The following DGLUCY variants were observed in gnomAD, a reference collection of about 807,000 sequenced individuals.
DGLUCY encodes D-glutamate cyclase, mitochondrial.
Under a neutral mutation model 58.5 loss-of-function variants are expected in DGLUCY, and 58 were observed. The ratio of observed to expected loss-of-function variants is 0.99; its 90% confidence interval spans 0.80 to 1.23. DGLUCY has a LOEUF of 1.23. Among genes scored for constraint, DGLUCY ranks in the 50% most tolerant of loss-of-function variants. The pLI is 0.00. For missense variants in DGLUCY, 779 were observed against 784.7 expected, an observed-to-expected ratio of 0.99 and a Z score of 0.09; for synonymous variants, 325 against 314.1, an observed-to-expected ratio of 1.03 and a Z score of -0.37.
chr14:91,220,352 A>AT, intron 13 of DGLUCY: 1 of 395,996 alleles, frequency 2.5e-6, no homozygotes, highest in Non-Finnish European at 5.1e-6. Flanking sequence ...TCTGGCATGG[A>AT]TTAATAGCAA....
At chr14:91,168,848 A>T (rs953503206) in intron 4 of DGLUCY, among the ~76,000 whole-genome samples, 4 of 152,172 alleles carry the variant, frequency 2.6e-5, no homozygotes, top group African/African-American at 9.7e-5. Flanking sequence ...GCACTTTGGG[A>T]GGCCAAGGAG....
intron 12 of DGLUCY, among the ~76,000 whole-genome samples, chr14:91,213,691 A>T (rs371576860): frequency 6.7e-6 from 1 of 150,094 alleles, no homozygotes; most frequent in South Asian, 2.1e-4. Context: ...TTCACTGAAG[A>T]TTGTTTGTTT....
upstream of DGLUCY, among the ~76,000 whole-genome samples, chr14:91,107,771 C>T (rs189538554): frequency 4.0e-4 from 60 of 151,602 alleles, no homozygotes; most frequent in Non-Finnish European, 7.4e-4. Context: ...TATCAGATGG[C>T]GATAAGTGCT....
chr14:91,178,495 T>C (rs1352458411), intron 7 of DGLUCY, among the ~76,000 whole-genome samples: 1 of 152,146 alleles, frequency 6.6e-6, no homozygotes, highest in East Asian at 1.9e-4. Flanking sequence ...CTATTAGCAA[T>C]AGATTATGTG....
intron 1 of DGLUCY, among the ~76,000 whole-genome samples, chr14:91,098,341 CCAGCTA>C (rs1214114546): frequency 6.6e-6 from 1 of 152,042 alleles, no homozygotes; most frequent in African/African-American, 2.4e-5. Context: ...TCTGTAAGTC[CCAGCTA>C]CTCAGGAGGC....
At chr14:91,185,230 A>G (rs529874956) in intron 8 of DGLUCY, among the ~76,000 whole-genome samples, 2 of 148,592 alleles carry the variant, frequency 1.3e-5, no homozygotes, top group African/African-American at 2.5e-5. Context: ...CGGCCTCCCA[A>G]AGTGCTGGGA....
chr14:91,170,738 T>C (rs2048534353), intron 5 of DGLUCY, among the ~76,000 whole-genome samples: 1 of 152,142 alleles, frequency 6.6e-6, no homozygotes, highest in Non-Finnish European at 1.5e-5. Flanking sequence ...CCCCTACTTG[T>C]CAAGGTGAGT....
At position 91,090,395 on chromosome 14, in the gene DGLUCY, A is replaced by T. The variant is rs553765308; in HGVS notation, c.-82+29691A>T. ...CTCTGTTTCTTTTTTTTTGTTTTAG[A>T]TGCCACTGCCCCACAAGCTACATCC... On this transcript the variant is annotated intron_variant, in intron 1 of 4. Transcript: ENST00000521334. Among the ~76,000 whole-genome samples the T allele has an allele frequency of 1.9e-3, 296 of 152,000 alleles. 1 individual carries two copies. The highest frequency in any genetic ancestry group is 3.8e-3 in the Non-Finnish European group (256 of 67,946).
At chr14:91,115,032 A>T (rs990453883) in intron 1 of DGLUCY, 2 of 152,252 alleles carry the variant, frequency 1.3e-5, no homozygotes, top group African/African-American at 4.8e-5. Flanking sequence ...GATTATCTGT[A>T]CTTCCCCTCT....
At chr14:91,173,480 A>C (rs1233693848) in intron 6 of DGLUCY, 41 bp downstream of exon 6, 2 of 1,548,616 alleles carry the variant, frequency 1.3e-6, no homozygotes, top group East Asian at 2.3e-5. Flanking sequence ...TCCTGTTCAC[A>C]TGGGCAACCC....
intron 9 of DGLUCY, among the ~76,000 whole-genome samples, chr14:91,190,441 G>T (rs913146457): frequency 1.3e-5 from 2 of 152,184 alleles, no homozygotes; most frequent in African/African-American, 4.8e-5. Flanking sequence ...AAATGGACCA[G>T]GATGAGGAGA....
chr14:91,137,646 T>C (rs1345849883), intron 1 of DGLUCY, among the ~76,000 whole-genome samples: 4 of 152,080 alleles, frequency 2.6e-5, no homozygotes, highest in Non-Finnish European at 5.9e-5. Flanking sequence ...CCGCCCGCCT[T>C]AGCCTCCCAA....
intron 9 of DGLUCY, 110 bp from the exon 10 acceptor site, chr14:91,196,265 T>C: frequency 1.3e-6 from 1 of 769,458 alleles, no homozygotes; most frequent in African/African-American, 1.7e-5. Flanking sequence ...AGATAGATGT[T>C]GTTCAACAAC....
intron 1 of DGLUCY, among the ~76,000 whole-genome samples, chr14:91,075,072 CAAAA>C (rs1163669924): frequency 1.7e-5 from 2 of 115,322 alleles, no homozygotes; most frequent in Non-Finnish European, 1.8e-5. Context: ...AACTCCGTCT[CAAAA>C]AAAAAAAAAA....
In DGLUCY at chr14:91,071,176, CA is replaced by C. The variant is rs533030423; in HGVS notation, c.-82+10483del. Among the ~76,000 whole-genome samples, 928 of 143,264 alleles carry C rather than the reference CA, an allele frequency of 6.5e-3. 4 individuals are homozygous for C. Among genetic ancestry groups the C allele is most frequent in the Admixed American group, 0.015 (216 of 14,320 alleles). 94.0% of individuals were successfully genotyped at this position (143,264 alleles called of 152,430 possible). ...TGAAACCCCGTCTCTACTAAAAATACAAAAAAAAAAATTAGCAAGGTGTGGT... is the reference window on the plus strand; with the variant it reads ...TGAAACCCCGTCTCTACTAAAAATACAAAAAAAAAATTAGCAAGGTGTGGT... On this transcript the variant is annotated intron_variant, in intron 1 of 4. Coordinates refer to the DGLUCY transcript ENST00000521334.
chr14:91,148,175 A>G (rs1002126238), intron 1 of DGLUCY, among the ~76,000 whole-genome samples: 2 of 152,064 alleles, frequency 1.3e-5, no homozygotes, highest in African/African-American at 4.8e-5. Context: ...CTCTGTCTCA[A>G]AAAAGAAAGA....
chr14:91,071,640 C>T (rs938071716), intron 1 of DGLUCY, among the ~76,000 whole-genome samples: 46 of 152,014 alleles, frequency 3.0e-4, no homozygotes, highest in Admixed American at 7.2e-4. Context: ...GAGGCCAAGG[C>T]GGGTGGATCA....
intron 1 of DGLUCY, among the ~76,000 whole-genome samples, chr14:91,088,331 A>G (rs1433438162): frequency 6.6e-6 from 1 of 152,190 alleles, no homozygotes; most frequent in African/African-American, 2.4e-5. Context: ...AGACAGTTTG[A>G]ATGTGATTCG....
chr14:91,149,567 C>T (rs906235427), intron 1 of DGLUCY, among the ~76,000 whole-genome samples: 9 of 152,188 alleles, frequency 5.9e-5, no homozygotes, highest in East Asian at 1.9e-4. Context: ...GATGACTCAG[C>T]GTTTACTGTT....
Sources: allele counts gnomAD v4.1 joint callset (sites outside exome capture counted in the v4.1 genomes callset), GRCh38; gene constraint gnomAD v4.1.1; transcripts MANE v1.5; gene names NCBI Gene and HGNC (gene_info 2026-07-23, HGNC 2026-07-21).